Variants in SOX5 observed in about 807,000 individuals in gnomAD.
SOX5 encodes the protein transcription factor SOX-5.
SOX5 carries 9 observed loss-of-function variants against 92.0 expected under a neutral mutation model. That is an observed-to-expected ratio of 0.10 (90% CI 0.06 to 0.17). The LOEUF (loss-of-function observed/expected upper bound fraction) is 0.17, where lower values mean the gene tolerates loss of function less well. SOX5 is among the 10% of genes least tolerant of loss of function. The probability of loss-of-function intolerance (pLI) is 1.00; values close to 1 mark genes in which losing one functional copy is unlikely to be tolerated. For synonymous variants in SOX5, 344 were observed against 336.3 expected, an observed-to-expected ratio of 1.02 and a Z score of -0.25; for missense variants, 642 against 944.5, an observed-to-expected ratio of 0.68 and a Z score of 4.20.
intron 1 of SOX5, among the ~76,000 whole-genome samples, chr12:24,476,437 T>C (rs1026271908): frequency 6.6e-6 from 1 of 152,116 alleles, no homozygotes; most frequent in African/African-American, 2.4e-5. Context: ...AACCCATAAA[T>C]AGACATTCTA....
chr12:24,235,643 G>C (rs1161316473), intron 3 of SOX5, among the ~76,000 whole-genome samples: 1 of 152,158 alleles, frequency 6.6e-6, no homozygotes, highest in Admixed American at 6.5e-5. Context: ...TCTTAAGAAA[G>C]TATGCTTTAT....
chr12:23,736,275 C>A, intron 5 of SOX5, among the ~76,000 whole-genome samples: 1 of 151,886 alleles, frequency 6.6e-6, no homozygotes, highest in East Asian at 1.9e-4. Flanking sequence ...TCCTGGCTAA[C>A]AGGGTGAAAC....
At chr12:23,925,859 C>A (rs959405669) in intron 1 of SOX5, among the ~76,000 whole-genome samples, 3 of 152,040 alleles carry the variant, frequency 2.0e-5, no homozygotes, top group Admixed American at 6.6e-5. Flanking sequence ...CCCTTACAAT[C>A]ACCTTTAGTG....
chr12:24,280,330 A>T (rs1000591193), intron 2 of SOX5, among the ~76,000 whole-genome samples: 2 of 152,184 alleles, frequency 1.3e-5, no homozygotes, highest in African/African-American at 2.4e-5. Context: ...TAAGAAACAC[A>T]GTCAGGGAGG....
intron 3 of SOX5, among the ~76,000 whole-genome samples, chr12:23,843,185 C>T (rs2096537850): frequency 6.7e-6 from 1 of 149,254 alleles, no homozygotes; most frequent in Non-Finnish European, 1.5e-5. Flanking sequence ...AAAACAAGGA[C>T]ATTCTGAGAA....
At chr12:24,507,198 C>T (rs532999093) in intron 1 of SOX5, among the ~76,000 whole-genome samples, 391 of 152,074 alleles carry the variant, frequency 2.6e-3, no homozygotes, top group African/African-American at 9.0e-3. Context: ...ATTGGTTCCT[C>T]AACAATTGAT....
chr12:24,540,410 A>G (rs911160558), intron 1 of SOX5, among the ~76,000 whole-genome samples: 1 of 152,096 alleles, frequency 6.6e-6, no homozygotes, highest in African/African-American at 2.4e-5. Flanking sequence ...CTTAAAGATC[A>G]GCCATTATTC....
intron 2 of SOX5, among the ~76,000 whole-genome samples, chr12:24,288,267 T>C (rs1946154750): frequency 6.6e-6 from 1 of 152,132 alleles, no homozygotes; most frequent in South Asian, 2.1e-4. Context: ...CAACAAAGAA[T>C]TATCTGATCC....
intron 3 of SOX5, among the ~76,000 whole-genome samples, chr12:23,766,822 GA>G (rs1291394861): frequency 1.6e-4 from 24 of 152,130 alleles, no homozygotes; most frequent in African/African-American, 5.8e-4. Context: ...CTGCTAAGGG[GA>G]TAATATTGTA....
intron 4 of SOX5, among the ~76,000 whole-genome samples, chr12:23,968,841 C>T (rs909905134): frequency 2.0e-5 from 3 of 152,184 alleles, no homozygotes; most frequent in Non-Finnish European, 4.4e-5. Flanking sequence ...CTACGCTCAA[C>T]CTTTGAATCT....
intron 4 of SOX5, among the ~76,000 whole-genome samples, chr12:23,752,126 G>A (rs911064965): frequency 4.9e-4 from 72 of 148,372 alleles, no homozygotes; most frequent in African/African-American, 1.7e-3. Flanking sequence ...AAATAAGGCA[G>A]GTAGAGAAAC....
intron 4 of SOX5, among the ~76,000 whole-genome samples, chr12:24,155,090 C>T (rs1044775211): frequency 6.6e-5 from 10 of 152,082 alleles, no homozygotes; most frequent in African/African-American, 2.4e-4. Context: ...CATCATCGTA[C>T]GCTAAGCACA....
chr12:24,221,575 T>C (rs892391121), intron 3 of SOX5, among the ~76,000 whole-genome samples: 8 of 152,194 alleles, frequency 5.3e-5, no homozygotes, highest in African/African-American at 1.9e-4. Flanking sequence ...TAAGTTTAAA[T>C]TTATTCACTC....
chr12:23,722,726 T>A (rs750714668), intron 6 of SOX5, among the ~76,000 whole-genome samples: 1 of 152,210 alleles, frequency 6.6e-6, no homozygotes, highest in Non-Finnish European at 1.5e-5. Flanking sequence ...GTCTGACTGA[T>A]GTAAGATGTT....
chr12:24,225,852 T>G (rs1036542195), intron 3 of SOX5, among the ~76,000 whole-genome samples: 8 of 152,228 alleles, frequency 5.3e-5, no homozygotes, highest in Admixed American at 1.3e-4. Flanking sequence ...AAAAAATGAT[T>G]AATAGTTCCA....
chr12:24,078,528 T>C (rs985599533), intron 4 of SOX5, among the ~76,000 whole-genome samples: 7 of 152,024 alleles, frequency 4.6e-5, no homozygotes, highest in Admixed American at 3.3e-4. Flanking sequence ...CTGAAAGTCA[T>C]TGAAGGCTTT....
intron 1 of SOX5, among the ~76,000 whole-genome samples, chr12:24,397,906 G>A (rs181958230): frequency 0.029 from 4,462 of 152,030 alleles, 102 homozygotes; most frequent in Middle Eastern, 0.048. Flanking sequence ...CTGGAGTGCA[G>A]TGGCACGATC....
In SOX5 at chr12:24,389,829, C is replaced by T. The variant is rs117121673; in HGVS notation, c.-250-21190G>A. Among the ~76,000 whole-genome samples, 719 of 152,300 alleles carry T rather than the reference C, an allele frequency of 4.7e-3. 3 individuals are homozygous for T. The highest frequency in any genetic ancestry group is 8.2e-3 in the Non-Finnish European group (560 of 68,030). ...GTTTTCCAAACAGCTGCCCATTTTA[C>T]ATTCTCAATGGTGGTGTATGCAGGT... is the stretch of plus-strand genomic sequence containing the variant. On this transcript the variant is annotated intron_variant, in intron 1 of 4. Transcript: ENST00000446891.
Position 24,294,352 on chromosome 12 carries a change from T to C in SOX5, c.-173-17040A>G, listed in dbSNP as rs146439012. ...CACCAGGAAAAGAGCTATTCCTTTA[T>C]TTCTCTTCTCTCTACCAGATTTCGG... On this transcript the variant is annotated intron_variant, in intron 2 of 4. Transcript: ENST00000446891. Among the ~76,000 whole-genome samples the C allele has an allele frequency of 6.6e-3, 1,011 of 152,248 alleles. 9 individuals are homozygous for C. The highest frequency in any genetic ancestry group is 0.022 in the African/African-American group (925 of 41,542).
Sources: allele counts gnomAD v4.1 joint callset (sites outside exome capture counted in the v4.1 genomes callset), GRCh38; gene constraint gnomAD v4.1.1; transcripts MANE v1.5; gene names NCBI Gene and HGNC (gene_info 2026-07-23, HGNC 2026-07-21).